The following PECR variants were observed in gnomAD, a reference collection of about 807,000 sequenced individuals.
The protein encoded by PECR is 2,4-dienoyl-CoA reductase-related protein.
A neutral mutation model predicts 35.3 loss-of-function variants in PECR; 30 were observed. The ratio of observed to expected loss-of-function variants is 0.85; its 90% CI spans 0.64 to 1.15. PECR has a LOEUF of 1.15. Among genes scored for constraint, PECR ranks in the 50% most tolerant of loss-of-function variants. The pLI is 0.00. For missense variants in PECR, 392 were observed against 370.8 expected (o/e 1.06, Z -0.47); for synonymous variants, 148 against 138.9 (o/e 1.07, Z -0.46).
downstream of PECR, among the ~76,000 whole-genome samples, chr2:216,036,225 C>G (rs1694791318): frequency 6.6e-6 from 1 of 152,220 alleles, no homozygotes; most frequent in Non-Finnish European, 1.5e-5. Context: ...GCTTGAACAA[C>G]CAAGACCCAG....
chr2:216,080,972 AGAGT>A (rs1227815893), intron 1 of PECR, among the ~76,000 whole-genome samples: 1 of 152,230 alleles, frequency 6.6e-6, no homozygotes. Context: ...CGTAGGCAAC[AGAGT>A]GAGACCCTAT....
intron 1 of PECR, among the ~76,000 whole-genome samples, chr2:216,070,170 A>C (rs1406806370): frequency 5.3e-5 from 8 of 152,208 alleles, no homozygotes; most frequent in Admixed American, 5.2e-4. Flanking sequence ...TGAGGTTTTT[A>C]AATTTTTATT....
At position 216,060,277 on chromosome 2, in the gene PECR, A is replaced by T. The variant is rs545629068; in HGVS notation, c.425-1301T>A. 3.3e-5 allele frequency among the ~76,000 whole-genome samples: 5 copies of T among 152,274 alleles called. No individual in the cohort carries two copies. The South Asian group carries it at 6.2e-4, about 19-fold the overall frequency. On this transcript the variant is annotated intron_variant, in intron 3 of 7. Coordinates refer to ENST00000265322, the MANE Select transcript of PECR (RefSeq NM_018441.6). ...TCTGGATAAATACCACCATATACAT[A>T]TATTTATTTATTTCCTAGTTCTGAA...
intron 1 of PECR, 79 bp downstream of exon 1, chr2:216,081,539 C>A: frequency 6.3e-7 from 1 of 1,580,186 alleles, no homozygotes; most frequent in Non-Finnish European, 8.7e-7. Context: ...TCAGCCCCGC[C>A]GAGAGCTCCT....
intron 7 of PECR, among the ~76,000 whole-genome samples, chr2:216,041,757 G>A (rs919510647): frequency 6.6e-6 from 1 of 152,200 alleles, no homozygotes; most frequent in African/African-American, 2.4e-5. Flanking sequence ...TGAAGGTTAA[G>A]TTGATCACCA....
At chr2:216,079,428 C>A (rs1695782323) in intron 1 of PECR, among the ~76,000 whole-genome samples, 1 of 150,658 alleles carries the variant, frequency 6.6e-6, no homozygotes, top group Non-Finnish European at 1.5e-5. Flanking sequence ...AGTGCAGCGG[C>A]ACGATCTTGG....
intron 1 of PECR, among the ~76,000 whole-genome samples, chr2:216,068,949 T>C (rs1426470426): frequency 6.6e-6 from 1 of 151,816 alleles, no homozygotes; most frequent in East Asian, 1.9e-4. Flanking sequence ...AATAACAACA[T>C]ATTGTAAGAT....
intron 6 of PECR, among the ~76,000 whole-genome samples, chr2:216,048,547 T>C (rs1695040456): frequency 6.6e-6 from 1 of 151,814 alleles, no homozygotes; most frequent in East Asian, 1.9e-4. Context: ...TCGCCTCTAC[T>C]AAAAACACAA....
chr2:216,073,129 A>C (rs1348847965), intron 1 of PECR, among the ~76,000 whole-genome samples: 2 of 152,216 alleles, frequency 1.3e-5, no homozygotes, highest in Non-Finnish European at 2.9e-5. Context: ...TAACTTTAAA[A>C]TGGAATTTAA....
chr2:216,061,966 G>A (rs1198012149), intron 3 of PECR, among the ~76,000 whole-genome samples: 1 of 147,156 alleles, frequency 6.8e-6, no homozygotes. Context: ...GAGTGTGTGT[G>A]AGTATGTGTG....
intron 7 of PECR, among the ~76,000 whole-genome samples, chr2:216,040,897 T>G (rs541138716): frequency 1.3e-5 from 2 of 152,056 alleles, no homozygotes; most frequent in Non-Finnish European, 2.9e-5. Context: ...AAAAAGTCCC[T>G]TATCTAATTT....
At chr2:216,030,729 C>CT (rs71047960) in intron 7 of PECR, among the ~76,000 whole-genome samples, 62 of 145,692 alleles carry the variant, frequency 4.3e-4, no homozygotes, top group Middle Eastern at 3.7e-3. Context: ...TTCTTTCTTT[C>CT]TTTTTTTTTT....
chr2:216,072,249 A>G (rs1695604794), intron 1 of PECR, among the ~76,000 whole-genome samples: 1 of 152,204 alleles, frequency 6.6e-6, no homozygotes, highest in Admixed American at 6.5e-5. Flanking sequence ...TCTATTTGTT[A>G]GGCTAACACA....
intron 3 of PECR, among the ~76,000 whole-genome samples, chr2:216,061,630 G>C (rs1222352813): frequency 6.6e-6 from 1 of 152,034 alleles, no homozygotes; most frequent in African/African-American, 2.4e-5. Flanking sequence ...AAAACAATTA[G>C]AGAAATCCAG....
At chr2:216,068,804 AT>A (rs36012588) in intron 1 of PECR, among the ~76,000 whole-genome samples, 42,442 of 75,868 alleles carry the variant, frequency 0.56, 11,734 homozygotes, top group Admixed American at 0.63. Flanking sequence ...TATCTGGCCA[AT>A]TTTTTTTTTT....
chr2:216,045,156 T>G (rs768731307), intron 6 of PECR, among the ~76,000 whole-genome samples: 2 of 152,222 alleles, frequency 1.3e-5, no homozygotes, highest in Non-Finnish European at 2.9e-5. Flanking sequence ...ATGCCTTGCT[T>G]GCCTCATCCC....
intron 1 of PECR, among the ~76,000 whole-genome samples, chr2:216,070,844 G>A (rs951766823): frequency 2.0e-5 from 3 of 152,166 alleles, no homozygotes; most frequent in Non-Finnish European, 4.4e-5. Context: ...ACTTGCGCCT[G>A]GGTCGTGACT....
At chr2:216,044,805 C>T (rs565581237) in intron 6 of PECR, among the ~76,000 whole-genome samples, 1 of 152,202 alleles carries the variant, frequency 6.6e-6, no homozygotes, top group East Asian at 1.9e-4. Context: ...CCAACCCAAA[C>T]AGAAGGAAGT....
chr2:216,050,030 C>T (rs1007013636), intron 5 of PECR, among the ~76,000 whole-genome samples: 5 of 151,964 alleles, frequency 3.3e-5, no homozygotes, highest in Non-Finnish European at 7.4e-5. Context: ...CCAGCCTGGG[C>T]AAAATAGGGA....
Sources: allele counts gnomAD v4.1 joint callset (sites outside exome capture counted in the v4.1 genomes callset), GRCh38; gene constraint gnomAD v4.1.1; transcripts MANE v1.5; gene names NCBI Gene and HGNC (gene_info 2026-07-23, HGNC 2026-07-21).